Variants in TAFA1 observed in about 807,000 individuals in gnomAD.
The protein encoded by TAFA1 is TAFA chemokine like family member 1, also known as chemokine-like protein TAFA-1.
In TAFA1, 4 loss-of-function variants were observed where a neutral mutation model predicts 18.5. The observed-to-expected ratio is 0.22, with a 90% CI of 0.11 to 0.49. TAFA1 has a LOEUF of 0.49. Ranked by LOEUF, TAFA1 falls within the 20% of genes least tolerant of loss-of-function variation. TAFA1 has a pLI of 0.98. For missense variants in TAFA1, 147 were observed against 169.0 expected (o/e 0.87, Z 0.72); for synonymous variants, 56 against 55.2 (o/e 1.01, Z -0.06).
intron 2 of TAFA1, among the ~76,000 whole-genome samples, chr3:68,193,054 G>A (rs1414411558): frequency 1.3e-5 from 2 of 151,722 alleles, no homozygotes; most frequent in African/African-American, 4.8e-5. Flanking sequence ...AAGATGCTGA[G>A]CTCCATCCTA....
intron 2 of TAFA1, among the ~76,000 whole-genome samples, chr3:68,051,585 G>C (rs2106703778): frequency 6.6e-6 from 1 of 152,162 alleles, no homozygotes; most frequent in East Asian, 1.9e-4. Context: ...GGCTTACCTG[G>C]CTCGAAATGA....
rs186498179 is a variant in TAFA1, at chr3:68,318,501, C to A, written c.119-98779C>A. Reference sequence around the variant, plus strand: ...ATGTCTTTCTGCTGAGGAATGGAAACCCACAGAAATGACAAAGCTTAGGTT... The same window carrying A: ...ATGTCTTTCTGCTGAGGAATGGAAAACCACAGAAATGACAAAGCTTAGGTT... On this transcript the variant is annotated intron_variant, in intron 2 of 4. Transcript: ENST00000478136. Among the ~76,000 whole-genome samples the A allele has an allele frequency of 1.8e-4, 27 of 152,264 alleles. No homozygotes were observed. In the East Asian group the frequency reaches 5.0e-3, roughly 28 times the overall value.
At chr3:68,497,773 C>A (rs957755026) in intron 3 of TAFA1, among the ~76,000 whole-genome samples, 1 of 152,124 alleles carries the variant, frequency 6.6e-6, no homozygotes, top group African/African-American at 2.4e-5. Flanking sequence ...ATGACACAGG[C>A]AGAATGGTTT....
At chr3:68,225,630 G>C (rs1410723733) in intron 2 of TAFA1, among the ~76,000 whole-genome samples, 3 of 152,180 alleles carry the variant, frequency 2.0e-5, no homozygotes, top group African/African-American at 7.2e-5. Context: ...CCAACATGCA[G>C]AGTAGGTAGC....
intron 2 of TAFA1, among the ~76,000 whole-genome samples, chr3:68,177,096 A>G (rs137968704): frequency 2.0e-4 from 31 of 152,306 alleles, no homozygotes; most frequent in Non-Finnish European, 4.1e-4. Context: ...TTTATATTCT[A>G]TGAATGAGGA....
At chr3:68,212,115 C>T (rs1294976966) in intron 2 of TAFA1, among the ~76,000 whole-genome samples, 3 of 151,662 alleles carry the variant, frequency 2.0e-5, no homozygotes, top group Non-Finnish European at 4.4e-5. Flanking sequence ...CCTGAAGAGA[C>T]AGCATTTGAC....
At chr3:68,081,101 G>A (rs909994797) in intron 2 of TAFA1, among the ~76,000 whole-genome samples, 16 of 152,072 alleles carry the variant, frequency 1.1e-4, no homozygotes, top group South Asian at 6.2e-4. Flanking sequence ...CCAGTTGATC[G>A]CATCGGCTCC....
intron 2 of TAFA1, among the ~76,000 whole-genome samples, chr3:68,172,410 G>C (rs1197825796): frequency 1.3e-5 from 2 of 152,156 alleles, no homozygotes; most frequent in African/African-American, 4.8e-5. Flanking sequence ...TAAGGATGGA[G>C]AGGAACTGGA....
chr3:68,459,922 C>G (rs2071743997), intron 3 of TAFA1, among the ~76,000 whole-genome samples: 1 of 152,158 alleles, frequency 6.6e-6, no homozygotes, highest in African/African-American at 2.4e-5. Context: ...AATATTTGTT[C>G]AGATTCACAA....
intron 3 of TAFA1, among the ~76,000 whole-genome samples, chr3:68,457,027 C>G (rs1247518866): frequency 6.6e-6 from 1 of 152,170 alleles, no homozygotes; most frequent in East Asian, 1.9e-4. Context: ...TAAGAGATCA[C>G]TTTTTACTGC....
At chr3:68,494,245 G>A (rs899031246) in intron 3 of TAFA1, among the ~76,000 whole-genome samples, 1 of 152,162 alleles carries the variant, frequency 6.6e-6, no homozygotes, top group African/African-American at 2.4e-5. Flanking sequence ...GGGATTACAG[G>A]TGCACATCAC....
chr3:68,196,540 A>G (rs1300876974), intron 2 of TAFA1, among the ~76,000 whole-genome samples: 3 of 151,898 alleles, frequency 2.0e-5, no homozygotes, highest in Admixed American at 6.6e-5. Flanking sequence ...AGGGAAATTT[A>G]TTGCCTAAAT....
At chr3:68,486,454 C>T (rs1360284758) in intron 3 of TAFA1, among the ~76,000 whole-genome samples, 2 of 152,134 alleles carry the variant, frequency 1.3e-5, no homozygotes, top group African/African-American at 4.8e-5. Context: ...TGTACCATGC[C>T]TCCAACATGA....
At chr3:68,525,052 T>A (rs2073087800) in intron 3 of TAFA1, among the ~76,000 whole-genome samples, 1 of 152,134 alleles carries the variant, frequency 6.6e-6, no homozygotes, top group South Asian at 2.1e-4. Flanking sequence ...ATAAATACAG[T>A]CAAAAGCGTA....
At chr3:68,236,122 C>A (rs1293729220) in intron 2 of TAFA1, among the ~76,000 whole-genome samples, 1 of 152,090 alleles carries the variant, frequency 6.6e-6, no homozygotes. Context: ...CCTTGTTATA[C>A]AAAGTTGATG....
At chr3:68,414,088 T>C (rs2070766924) in intron 2 of TAFA1, among the ~76,000 whole-genome samples, 1 of 152,078 alleles carries the variant, frequency 6.6e-6, no homozygotes, top group African/African-American at 2.4e-5. Flanking sequence ...GTGGATCACC[T>C]GAGGTCGGGA....
chr3:68,197,105 C>A (rs898086293), intron 2 of TAFA1, among the ~76,000 whole-genome samples: 7 of 151,732 alleles, frequency 4.6e-5, no homozygotes, highest in Non-Finnish European at 8.8e-5. Context: ...ATGCTTTAGA[C>A]ATGCTTTAAA....
At chr3:68,027,357 G>A (rs912009046) in intron 2 of TAFA1, among the ~76,000 whole-genome samples, 2 of 152,132 alleles carry the variant, frequency 1.3e-5, no homozygotes, top group Non-Finnish European at 2.9e-5. Context: ...CTATTTTTGT[G>A]GCAGGTTGCA....
intron 3 of TAFA1, among the ~76,000 whole-genome samples, chr3:68,493,964 C>T (rs2072499334): frequency 6.6e-6 from 1 of 152,136 alleles, no homozygotes; most frequent in African/African-American, 2.4e-5. Flanking sequence ...TATTCAGTCT[C>T]TGATCTTACT....
Sources: allele counts gnomAD v4.1 joint callset (sites outside exome capture counted in the v4.1 genomes callset), GRCh38; gene constraint gnomAD v4.1.1; transcripts MANE v1.5; gene names NCBI Gene and HGNC (gene_info 2026-07-23, HGNC 2026-07-21).